The following ATF6 variants were observed in gnomAD, a reference collection of about 807,000 sequenced individuals.
ATF6 encodes cyclic AMP-dependent transcription factor ATF-6 alpha.
ATF6 carries 53 observed loss-of-function variants against 83.6 expected under a neutral mutation model. The ratio of observed to expected loss-of-function variants is 0.63; its 90% CI spans 0.51 to 0.80. The LOEUF (loss-of-function observed/expected upper bound fraction) is 0.80. Among genes scored for constraint, ATF6 ranks in the 30% least tolerant of loss-of-function variants. The pLI is 0.00. For missense variants in ATF6, 744 were observed against 797.9 expected (o/e 0.93, Z 0.81); for synonymous variants, 288 against 285.8 (o/e 1.01, Z -0.08).
intron 14 of ATF6, among the ~76,000 whole-genome samples, chr1:161,881,744 T>G (rs141967294): frequency 7.0e-4 from 107 of 152,240 alleles, no homozygotes; most frequent in African/African-American, 2.0e-3. Flanking sequence ...TAAATTTCCT[T>G]TTTAGTGTTT....
rs1406146278 is a variant in ATF6 at position 161,963,957 on chromosome 1, T to C, written c.*5303T>C. ...GTACCATTCTCTCCCTTAATAATGA[T>C]GTTGGTTTGCAAAACCTAAAGAAAT... On this transcript the variant is annotated 3_prime_UTR_variant, in exon 16 of 16. Coordinates refer to ENST00000367942, the MANE Select transcript of ATF6 (RefSeq NM_007348.4). The C allele has an allele frequency of 1.3e-5, 2 of 152,192 alleles. No individual in the cohort carries two copies. Among genetic ancestry groups the C allele is most frequent in the African/African-American group, 4.8e-5 (2 of 41,440 alleles). 9.4% of individuals were successfully genotyped at this position (152,192 alleles called of 1,614,324 possible).
rs61809461 is a variant in ATF6 at position 161,913,795 on chromosome 1, T to C, written c.1804+1415T>C. Reference sequence around the variant, plus strand: ...CTAAGTTTCTCTGCCTAAACTAGAATAGACCAAAGGGTCAGCTTATGCTCA... The same window carrying C: ...CTAAGTTTCTCTGCCTAAACTAGAACAGACCAAAGGGTCAGCTTATGCTCA... On this transcript the variant is annotated intron_variant, in intron 15 of 15. Transcript: ENST00000367942. 4.5e-3 allele frequency among the ~76,000 whole-genome samples: 687 copies of C among 152,346 alleles called. 4 individuals carry two copies. The highest frequency in any genetic ancestry group is 0.014 in the Middle Eastern group (4 of 294).
At chr1:161,939,021 A>G (rs1193971305) in intron 15 of ATF6, among the ~76,000 whole-genome samples, 1 of 152,148 alleles carries the variant, frequency 6.6e-6, no homozygotes, top group African/African-American at 2.4e-5. Flanking sequence ...TTCTCTCTAT[A>G]ACCCACTCCA....
At chr1:161,899,662 T>G (rs1687742635) in intron 14 of ATF6, among the ~76,000 whole-genome samples, 1 of 152,218 alleles carries the variant, frequency 6.6e-6, no homozygotes, top group Non-Finnish European at 1.5e-5. Flanking sequence ...TTTAAACAGT[T>G]TAAATAAAGT....
intron 15 of ATF6, among the ~76,000 whole-genome samples, chr1:161,940,761 AC>A (rs1688626226): frequency 6.6e-6 from 1 of 151,960 alleles, no homozygotes; most frequent in South Asian, 2.1e-4. Flanking sequence ...ACAGGGTTTC[AC>A]CATGTTGGCC....
At chr1:161,853,186 T>A in intron 11 of ATF6, 38 bp from the exon 12 acceptor site, 1 of 1,341,556 alleles carries the variant, frequency 7.5e-7, no homozygotes, top group South Asian at 1.3e-5. Context: ...TATGTTTAAT[T>A]AATTTCTATG....
At chr1:161,842,342 A>AGTAG (rs1686376795) in intron 9 of ATF6, among the ~76,000 whole-genome samples, 1 of 152,228 alleles carries the variant, frequency 6.6e-6, no homozygotes, top group Non-Finnish European at 1.5e-5. Flanking sequence ...CTACCATTTG[A>AGTAG]TCCAGCAATT....
intron 5 of ATF6, 25 bp from the exon 6 acceptor site, chr1:161,792,099 T>C: frequency 6.2e-7 from 1 of 1,607,368 alleles, no homozygotes; most frequent in Admixed American, 1.7e-5. Context: ...CACATTGACT[T>C]GTGGTTTGTC....
rs112863172 is a variant in ATF6, at chr1:161,766,407, G to T, written c.47G>T (p.Ser16Ile). Reference protein sequence around the residue: ...GVAGTMESPFSPGLFHRLDED... With the variant: ...GVAGTMESPFIPGLFHRLDED... ...GCCGGCACCATGGAGTCACCTTTTA[G>T]CCCGGGACTCTTTCACAGGCTGGAT... Residue 16 changes from serine (S) to isoleucine (I), a missense_variant, in exon 1 of 16, where the codon AGC becomes ATC. Coordinates refer to ENST00000367942, the MANE Select transcript of ATF6 (RefSeq NM_007348.4). 6,570 of 1,613,616 alleles carry T rather than the reference G, an allele frequency of 4.1e-3. 14 individuals carry two copies. The highest frequency in any genetic ancestry group is 5.2e-3 in the Non-Finnish European group (6,092 of 1,179,752).
chr1:161,784,037 AGTT>A lies in ATF6; in HGVS notation c.296_298del (p.Ser99_Tyr100delinsAsn). 1 of 1,613,850 alleles carries A rather than the reference AGTT, an allele frequency of 6.2e-7. No homozygotes were observed. Among genetic ancestry groups the A allele is most frequent in the South Asian group, 1.1e-5 (1 of 91,080 alleles). On this transcript the variant is annotated inframe_deletion, in exon 4 of 16. Coordinates refer to ENST00000367942, the MANE Select transcript of ATF6 (RefSeq NM_007348.4). ...TCAGCCACTTTCTCCAGCCTCCTCA[AGTT>A]ATTCAGTCTCGTCTCCTCGGTCAGT... is the stretch of plus-strand genomic sequence containing the variant.
At chr1:161,894,486 T>G (rs990537014) in intron 14 of ATF6, among the ~76,000 whole-genome samples, 2 of 150,098 alleles carry the variant, frequency 1.3e-5, no homozygotes, top group African/African-American at 4.9e-5. Context: ...TATAAATTTT[T>G]CTTTGGTTAT....
At chr1:161,899,899 T>C (rs956047054) in intron 14 of ATF6, among the ~76,000 whole-genome samples, 1 of 152,192 alleles carries the variant, frequency 6.6e-6, no homozygotes, top group Non-Finnish European at 1.5e-5. Context: ...AAAATGTCAT[T>C]TTGTTTAGCT....
chr1:161,833,195 C>T (rs1686116286), intron 9 of ATF6, among the ~76,000 whole-genome samples: 1 of 152,188 alleles, frequency 6.6e-6, no homozygotes, highest in Non-Finnish European at 1.5e-5. Context: ...GCTGAGGGTC[C>T]TGACTGTTAG....
chr1:161,893,437 A>T (rs947698095), intron 14 of ATF6, among the ~76,000 whole-genome samples: 1 of 152,206 alleles, frequency 6.6e-6, no homozygotes, highest in Admixed American at 6.5e-5. Flanking sequence ...AAGTGCTGGG[A>T]TTACAGGCGT....
At chr1:161,917,151 A>G (rs1381185499) in intron 15 of ATF6, among the ~76,000 whole-genome samples, 2 of 152,214 alleles carry the variant, frequency 1.3e-5, no homozygotes, top group Admixed American at 6.5e-5. Flanking sequence ...AACTCATGTC[A>G]TGCTGAGCTG....
intron 14 of ATF6, among the ~76,000 whole-genome samples, chr1:161,869,818 C>T (rs1046053545): frequency 7.2e-5 from 11 of 151,852 alleles, no homozygotes; most frequent in South Asian, 2.1e-4. Flanking sequence ...AATATTAACA[C>T]TTCAATGTAT....
intron 6 of ATF6, among the ~76,000 whole-genome samples, chr1:161,796,526 G>A (rs1181584315): frequency 6.6e-6 from 1 of 152,192 alleles, no homozygotes; most frequent in Non-Finnish European, 1.5e-5. Context: ...CATACTTGAA[G>A]CAAGCATTTT....
At chr1:161,882,483 A>T (rs2101859610) in intron 14 of ATF6, among the ~76,000 whole-genome samples, 1 of 152,220 alleles carries the variant, frequency 6.6e-6, no homozygotes, top group Admixed American at 6.5e-5. Flanking sequence ...GAGCTTCAGA[A>T]TCAGACTCTA....
chr1:161,917,549 T>C (rs1273117620), intron 15 of ATF6, among the ~76,000 whole-genome samples: 2 of 152,008 alleles, frequency 1.3e-5, no homozygotes, highest in Admixed American at 1.3e-4. Context: ...GCCTCCCGAG[T>C]AGCTGGGACT....
Sources: gnomAD v4.1 joint callset for allele counts (sites outside exome capture counted in the v4.1 genomes callset) on GRCh38, gnomAD v4.1.1 for gene constraint, MANE v1.5 for transcripts, NCBI Gene and HGNC (gene_info 2026-07-23, HGNC 2026-07-21) for gene names.